The following INPP5A variants were observed in gnomAD, a reference collection of about 807,000 sequenced individuals.
INPP5A encodes the protein 43 kDa inositol polyphosphate 5-phophatase.
In INPP5A, 14 loss-of-function variants were observed where a neutral mutation model predicts 65.2. The observed-to-expected ratio is 0.21, with a 90% CI of 0.14 to 0.34. The LOEUF (loss-of-function observed/expected upper bound fraction) is 0.34. Among genes scored for constraint, INPP5A ranks in the 10% least tolerant of loss-of-function variants. The pLI is 1.00. For missense variants in INPP5A, 431 were observed against 545.6 expected, an observed-to-expected ratio of 0.79 and a Z score of 2.09; for synonymous variants, 207 against 208.3, an observed-to-expected ratio of 0.99 and a Z score of 0.05.
At chr10:132,756,716 C>T (rs1846625993) in intron 11 of INPP5A, among the ~76,000 whole-genome samples, 1 of 152,230 alleles carries the variant, frequency 6.6e-6, no homozygotes, top group Non-Finnish European at 1.5e-5. Context: ...GTAATGCACT[C>T]CTTCTACTTA....
intron 4 of INPP5A, among the ~76,000 whole-genome samples, chr10:132,653,830 C>T (rs1183477827): frequency 1.3e-5 from 2 of 152,114 alleles, no homozygotes; most frequent in Non-Finnish European, 2.9e-5. Flanking sequence ...GCGCGGGGAG[C>T]ACGGCGCCCC....
chr10:132,732,318 G>A (rs1846101262), intron 9 of INPP5A, among the ~76,000 whole-genome samples: 1 of 152,228 alleles, frequency 6.6e-6, no homozygotes, highest in Non-Finnish European at 1.5e-5. Context: ...GGGTTTTCCT[G>A]CCCACGTGGC....
intron 9 of INPP5A, among the ~76,000 whole-genome samples, chr10:132,740,636 C>T (rs1247360619): frequency 2.0e-5 from 3 of 152,202 alleles, no homozygotes; most frequent in Admixed American, 1.3e-4. Flanking sequence ...AAATCCTTTT[C>T]TACTTCCTCC....
At chr10:132,778,751 G>T (rs1847106374) in intron 13 of INPP5A, among the ~76,000 whole-genome samples, 1 of 152,084 alleles carries the variant, frequency 6.6e-6, no homozygotes, top group South Asian at 2.1e-4. Flanking sequence ...AGGGACAGGA[G>T]CCCCCTACTA....
intron 2 of INPP5A, among the ~76,000 whole-genome samples, chr10:132,612,825 C>T (rs1040696898): frequency 1.3e-5 from 2 of 152,182 alleles, no homozygotes; most frequent in Admixed American, 1.3e-4. Context: ...AGATGGAGGC[C>T]TTGGGGCAGT....
intron 4 of INPP5A, among the ~76,000 whole-genome samples, chr10:132,689,702 C>T (rs576076715): frequency 1.3e-5 from 2 of 152,376 alleles, no homozygotes; most frequent in African/African-American, 2.4e-5. Flanking sequence ...GAAAATACCA[C>T]GTGAAACTTG....
chr10:132,568,424 G>A (rs2071297868), intron 1 of INPP5A, among the ~76,000 whole-genome samples: 1 of 151,794 alleles, frequency 6.6e-6, no homozygotes, highest in South Asian at 2.1e-4. Context: ...TTTTCCATTT[G>A]TAAATTAAGA....
chr10:132,738,568 C>T (rs1050541234), intron 9 of INPP5A, among the ~76,000 whole-genome samples: 17 of 152,256 alleles, frequency 1.1e-4, no homozygotes, highest in African/African-American at 3.9e-4. Context: ...TGGTGCTAGA[C>T]ACAGCCTGAG....
At chr10:132,749,392 CT>C (rs1480747211) in intron 9 of INPP5A, 124 bp from the exon 10 acceptor site, 1 of 826,678 alleles carries the variant, frequency 1.2e-6, no homozygotes, top group African/African-American at 1.7e-5. Context: ...GTGCGGAAAT[CT>C]GGGTGTGACA....
At chr10:132,781,713 G>T in intron 14 of INPP5A, 148 bp from the exon 15 acceptor site, 1 of 691,734 alleles carries the variant, frequency 1.4e-6, no homozygotes. Context: ...CAAGGGCCGA[G>T]CTGCCTCTGC....
intron 2 of INPP5A, among the ~76,000 whole-genome samples, chr10:132,620,193 T>G (rs1241154363): frequency 6.6e-6 from 1 of 152,246 alleles, no homozygotes; most frequent in Non-Finnish European, 1.5e-5. Context: ...GTCTCTGAAA[T>G]GCCTTCAAGG....
chr10:132,757,585 C>T (rs552397339), intron 11 of INPP5A, among the ~76,000 whole-genome samples: 1 of 152,264 alleles, frequency 6.6e-6, no homozygotes, highest in Non-Finnish European at 1.5e-5. Context: ...AGACCGTATC[C>T]CCGTCGTTCC....
chr10:132,694,396 G>A (rs866314534), intron 5 of INPP5A, among the ~76,000 whole-genome samples: 1 of 152,066 alleles, frequency 6.6e-6, no homozygotes, highest in Non-Finnish European at 1.5e-5. Context: ...TAAATTTATA[G>A]CATCAAATGC....
At chr10:132,686,923 G>A (rs1845140480) in intron 4 of INPP5A, among the ~76,000 whole-genome samples, 1 of 152,200 alleles carries the variant, frequency 6.6e-6, no homozygotes, top group South Asian at 2.1e-4. Context: ...CAAAGAAAAG[G>A]ATGAACACTG....
In INPP5A at chr10:132,707,280, A is replaced by G. The variant is rs113277310; in HGVS notation, c.475-1033A>G. 4.4e-3 allele frequency among the ~76,000 whole-genome samples: 676 copies of G among 152,266 alleles called. 3 individuals carry two copies. The highest frequency in any genetic ancestry group is 0.016 in the African/African-American group (646 of 41,546). On this transcript the variant is annotated intron_variant, in intron 6 of 15. Transcript: ENST00000368594. This position sits in a 1 kb window ranked among gnomAD's most constrained non-coding sequence, Gnocchi z 5.5. ...CTCCGCCCCCGATGGCGCCAGGCAT[A>G]TGGCTGCTGCTGGGAACGGAATGGG...
intron 4 of INPP5A, among the ~76,000 whole-genome samples, chr10:132,666,523 A>T (rs1301631188): frequency 6.6e-6 from 1 of 152,184 alleles, no homozygotes; most frequent in Non-Finnish European, 1.5e-5. Context: ...CCCCTGTCGG[A>T]TCACCCAAAA....
intron 8 of INPP5A, among the ~76,000 whole-genome samples, chr10:132,723,572 A>G (rs370895744): frequency 1.9e-3 from 182 of 94,182 alleles, no homozygotes; most frequent in Admixed American, 4.0e-3. Context: ...GGGATTGGCC[A>G]TGTGGGGATT....
chr10:132,653,517 C>G (rs2072608947), intron 4 of INPP5A, among the ~76,000 whole-genome samples: 1 of 152,154 alleles, frequency 6.6e-6, no homozygotes, highest in Admixed American at 6.5e-5. Flanking sequence ...CCTCCCTGGC[C>G]CTGGGTGGTT....
chr10:132,599,531 C>A (rs561053618), intron 1 of INPP5A, among the ~76,000 whole-genome samples: 1 of 152,214 alleles, frequency 6.6e-6, no homozygotes, highest in Non-Finnish European at 1.5e-5. Context: ...TGAGTGTCTG[C>A]GGCTTTTCCA....
Sources: allele counts gnomAD v4.1 joint callset (sites outside exome capture counted in the v4.1 genomes callset), GRCh38; gene constraint gnomAD v4.1.1; non-coding constraint Gnocchi (gnomAD v3.1); transcripts MANE v1.5; gene names NCBI Gene and HGNC (gene_info 2026-07-23, HGNC 2026-07-21).